Variants in RBMS3 observed in about 807,000 individuals in gnomAD.
RBMS3 encodes RNA binding motif single stranded interacting protein 3.
RBMS3 carries 27 observed loss-of-function variants against 66.8 expected under a neutral mutation model. That is an observed-to-expected ratio of 0.40 (90% CI 0.30 to 0.56). The LOEUF is 0.56. Among genes scored for constraint, RBMS3 ranks in the 20% least tolerant of loss-of-function variants. The pLI is 0.40. For missense variants in RBMS3, 513 were observed against 549.5 expected, an observed-to-expected ratio of 0.93 and a Z score of 0.66; for synonymous variants, 188 against 183.0, an observed-to-expected ratio of 1.03 and a Z score of -0.22.
intron 6 of RBMS3, among the ~76,000 whole-genome samples, chr3:29,792,251 T>C (rs2057037723): frequency 6.6e-6 from 1 of 152,214 alleles, no homozygotes; most frequent in Admixed American, 6.5e-5. Flanking sequence ...CCTGCTTCAG[T>C]CCATAATTGT....
At chr3:29,541,708 C>T (rs1296246193) in intron 3 of RBMS3, among the ~76,000 whole-genome samples, 1 of 152,194 alleles carries the variant, frequency 6.6e-6, no homozygotes, top group Non-Finnish European at 1.5e-5. Flanking sequence ...CAGTGGCTTC[C>T]TGTCTCACAT....
intron 4 of RBMS3, among the ~76,000 whole-genome samples, chr3:29,724,404 T>C (rs1208594583): frequency 6.6e-6 from 1 of 152,190 alleles, no homozygotes; most frequent in Admixed American, 6.6e-5. Context: ...AAATTTTTAG[T>C]ATATCATAAC....
intron 3 of RBMS3, among the ~76,000 whole-genome samples, chr3:29,536,905 A>G (rs1378274824): frequency 6.6e-6 from 1 of 152,212 alleles, no homozygotes; most frequent in Non-Finnish European, 1.5e-5. Flanking sequence ...AGTGTGTTTC[A>G]GAGGTGCGTT....
intron 2 of RBMS3, among the ~76,000 whole-genome samples, chr3:29,460,253 G>T (rs150965608): frequency 8.5e-5 from 13 of 152,274 alleles, no homozygotes; most frequent in African/African-American, 3.1e-4. Flanking sequence ...AGTGCCAGTT[G>T]CAATCAGTGG....
intron 3 of RBMS3, among the ~76,000 whole-genome samples, chr3:29,528,014 T>C (rs186246097): frequency 4.6e-5 from 7 of 151,856 alleles, no homozygotes; most frequent in Non-Finnish European, 1.0e-4. Flanking sequence ...ACTCAAGCAC[T>C]GCACTGGTGA....
chr3:29,526,138 A>T (rs1411822485), intron 3 of RBMS3: 4 of 152,144 alleles, frequency 2.6e-5, no homozygotes, highest in Non-Finnish European at 5.9e-5. Context: ...GCTTGTTGAA[A>T]ATGCTCAATC....
At chr3:29,871,728 A>G (rs1243867801) in intron 7 of RBMS3, among the ~76,000 whole-genome samples, 5 of 152,162 alleles carry the variant, frequency 3.3e-5, no homozygotes, top group Non-Finnish European at 5.9e-5. Flanking sequence ...GGTCATGTGA[A>G]AGGGATTTCT....
intron 10 of RBMS3, among the ~76,000 whole-genome samples, chr3:29,909,433 G>T (rs528509389): frequency 6.6e-6 from 1 of 152,160 alleles, no homozygotes; most frequent in Admixed American, 6.6e-5. Flanking sequence ...CAAAGTCTTT[G>T]TATATAAAGT....
At chr3:29,333,797 A>G (rs1226329465) in intron 1 of RBMS3, among the ~76,000 whole-genome samples, 1 of 152,176 alleles carries the variant, frequency 6.6e-6, no homozygotes, top group East Asian at 1.9e-4. Context: ...TCTTAGTAGG[A>G]TTAGGCTATG....
At chr3:29,342,875 G>A (rs960453116) in intron 1 of RBMS3, among the ~76,000 whole-genome samples, 1 of 152,072 alleles carries the variant, frequency 6.6e-6, no homozygotes, top group African/African-American at 2.4e-5. Flanking sequence ...ATACAAAAAA[G>A]CCAAATAAAT....
intron 3 of RBMS3, among the ~76,000 whole-genome samples, chr3:29,585,423 T>C (rs918480410): frequency 4.6e-5 from 7 of 152,138 alleles, no homozygotes; most frequent in African/African-American, 1.7e-4. Flanking sequence ...CATGGTATGG[T>C]GTATTTGAAA....
At chr3:29,651,596 CCA>C (rs140128226) in intron 4 of RBMS3, among the ~76,000 whole-genome samples, 3,044 of 152,170 alleles carry the variant, frequency 0.02, 38 homozygotes, top group Admixed American at 0.029. Context: ...CACCGAAAAA[CCA>C]CAGTTTTTTA....
intron 10 of RBMS3, among the ~76,000 whole-genome samples, chr3:29,900,544 G>T (rs1401611285): frequency 6.6e-6 from 1 of 151,682 alleles, no homozygotes; most frequent in Non-Finnish European, 1.5e-5. Context: ...CTCTATAGAA[G>T]TGCGAGATAG....
chr3:29,953,764 A>G (rs899313720), intron 12 of RBMS3, among the ~76,000 whole-genome samples: 1 of 151,454 alleles, frequency 6.6e-6, no homozygotes, highest in Non-Finnish European at 1.5e-5. Context: ...CTGGACCCAC[A>G]CTCATATTTA....
chr3:29,523,394 T>C (rs1271992465), intron 3 of RBMS3, among the ~76,000 whole-genome samples: 1 of 151,046 alleles, frequency 6.6e-6, no homozygotes, highest in Admixed American at 6.6e-5. Context: ...TCTTTTTTTT[T>C]GTTTTTAATG....
chr3:29,502,799 T>C (rs561385910), intron 3 of RBMS3, among the ~76,000 whole-genome samples: 1 of 152,264 alleles, frequency 6.6e-6, no homozygotes, highest in South Asian at 2.1e-4. Context: ...AGTGGGAAAA[T>C]AGCCTCAGAA....
intron 1 of RBMS3, among the ~76,000 whole-genome samples, chr3:29,395,506 T>A (rs1332152685): frequency 6.6e-6 from 1 of 152,170 alleles, no homozygotes; most frequent in Non-Finnish European, 1.5e-5. Context: ...GCCAAAATGC[T>A]CTTAATGCTG....
At chr3:29,628,951 G>A (rs2049173312) in intron 4 of RBMS3, among the ~76,000 whole-genome samples, 1 of 151,978 alleles carries the variant, frequency 6.6e-6, no homozygotes, top group African/African-American at 2.4e-5. Flanking sequence ...GTGTCATCAA[G>A]ACCATCGTTG....
At chr3:29,537,272 T>C (rs1236071134) in intron 3 of RBMS3, among the ~76,000 whole-genome samples, 1 of 152,224 alleles carries the variant, frequency 6.6e-6, no homozygotes, top group African/African-American at 2.4e-5. Flanking sequence ...TTGTCAGGAC[T>C]CTAACTTTGG....
Sources: allele counts gnomAD v4.1 joint callset (sites outside exome capture counted in the v4.1 genomes callset), GRCh38; gene constraint gnomAD v4.1.1; transcripts MANE v1.5; gene names NCBI Gene and HGNC (gene_info 2026-07-23, HGNC 2026-07-21).